Variants in PDZRN3 observed in about 807,000 individuals in gnomAD.
PDZRN3 encodes E3 ubiquitin-protein ligase PDZRN3.
A neutral mutation model predicts 85.7 loss-of-function variants in PDZRN3; 38 were observed. The ratio of observed to expected loss-of-function variants is 0.44; its 90% CI spans 0.34 to 0.58. The LOEUF (loss-of-function observed/expected upper bound fraction) is 0.58. Among genes scored for constraint, PDZRN3 ranks in the 20% least tolerant of loss-of-function variants. PDZRN3 has a pLI of 0.01. For synonymous variants in PDZRN3, 759 were observed against 638.0 expected (o/e 1.19, Z -2.86); for missense variants, 1,629 against 1,506.4 (o/e 1.08, Z -1.35).
chr3:73,553,882 A>G (rs899834565), intron 3 of PDZRN3, among the ~76,000 whole-genome samples: 3 of 152,222 alleles, frequency 2.0e-5, no homozygotes, highest in Non-Finnish European at 2.9e-5. Context: ...CGCATGGCAC[A>G]CACATGACCA....
chr3:73,621,253 A>G (rs1441396772), intron 1 of PDZRN3, among the ~76,000 whole-genome samples: 3 of 152,244 alleles, frequency 2.0e-5, no homozygotes, highest in African/African-American at 7.2e-5. Context: ...CTAAGCGTTC[A>G]GCAGGTGTCA....
chr3:73,483,658 T>C (rs965367588), intron 3 of PDZRN3, among the ~76,000 whole-genome samples: 2 of 152,176 alleles, frequency 1.3e-5, no homozygotes, highest in Non-Finnish European at 2.9e-5. Context: ...AATCTAGAAA[T>C]GACAACTACA....
At chr3:73,443,502 G>C (rs1448355082) in intron 3 of PDZRN3, among the ~76,000 whole-genome samples, 1 of 107,596 alleles carries the variant, frequency 9.3e-6, no homozygotes, top group African/African-American at 8.2e-5. Flanking sequence ...TTTTTTTGGG[G>C]GGGGGACAGC....
chr3:73,602,583 G>T, intron 2 of PDZRN3, 122 bp from the exon 3 acceptor site: 4 of 615,682 alleles, frequency 6.5e-6, no homozygotes, highest in Non-Finnish European at 1.2e-5. Context: ...TAGGGTAAAA[G>T]GTATTTGTTT....
chr3:73,466,419 C>T (rs1253548907), intron 3 of PDZRN3, among the ~76,000 whole-genome samples: 2 of 151,974 alleles, frequency 1.3e-5, no homozygotes, highest in African/African-American at 4.8e-5. Context: ...AAGCAAGACA[C>T]TCACGGTGGC....
chr3:73,514,944 T>C (rs1301906598), intron 3 of PDZRN3, among the ~76,000 whole-genome samples: 2 of 152,198 alleles, frequency 1.3e-5, no homozygotes, highest in African/African-American at 4.8e-5. Flanking sequence ...TCAGCTAGAT[T>C]ACAAAGTGAG....
intron 8 of PDZRN3, among the ~76,000 whole-genome samples, chr3:73,387,405 C>T (rs1701418724): frequency 6.6e-6 from 1 of 152,180 alleles, no homozygotes; most frequent in Non-Finnish European, 1.5e-5. Context: ...CTGAACCCCT[C>T]CCTGCTTTAT....
intron 3 of PDZRN3, among the ~76,000 whole-genome samples, chr3:73,599,304 C>T (rs975132250): frequency 3.9e-5 from 6 of 152,154 alleles, no homozygotes; most frequent in African/African-American, 1.4e-4. Flanking sequence ...ACAACATGTA[C>T]GAACCTTGAG....
At chr3:73,474,012 C>T (rs1216222218) in intron 3 of PDZRN3, among the ~76,000 whole-genome samples, 1 of 152,236 alleles carries the variant, frequency 6.6e-6, no homozygotes, top group East Asian at 1.9e-4. Context: ...TGTCACACAT[C>T]TACTAAGCGG....
At chr3:73,478,408 T>G (rs1477325173) in intron 3 of PDZRN3, among the ~76,000 whole-genome samples, 2 of 152,144 alleles carry the variant, frequency 1.3e-5, no homozygotes, top group African/African-American at 2.4e-5. Context: ...GCACTCCTTA[T>G]AGAAATCTAA....
Position 73,462,387 on chromosome 3 carries a change from C to CA in PDZRN3, c.919-57993dup, listed in dbSNP as rs560731268. ...TGAAACCCTGTCTGTACTAAAAATA[C>CA]AAAAAAAATTAGCCAGGCGTGGTGG... On this transcript the variant is annotated intron_variant, in intron 3 of 9. Coordinates refer to ENST00000263666, the MANE Select transcript of PDZRN3 (RefSeq NM_015009.3). Among the ~76,000 whole-genome samples the CA allele has an allele frequency of 2.5e-3, 378 of 151,436 alleles. 2 individuals carry two copies. The highest frequency in any genetic ancestry group is 8.2e-3 in the African/African-American group (338 of 41,360).
chr3:73,560,375 C>T (rs932614388), intron 3 of PDZRN3, among the ~76,000 whole-genome samples: 2 of 152,070 alleles, frequency 1.3e-5, no homozygotes, highest in East Asian at 1.9e-4. Flanking sequence ...AATTCAACCT[C>T]GAGGCTGAGT....
chr3:73,417,398 T>C (rs1379642550), intron 3 of PDZRN3, among the ~76,000 whole-genome samples: 1 of 152,226 alleles, frequency 6.6e-6, no homozygotes. Flanking sequence ...TTTATTCTAC[T>C]GAGTTATGAC....
intron 3 of PDZRN3, among the ~76,000 whole-genome samples, chr3:73,520,535 A>G (rs1307574307): frequency 2.0e-5 from 3 of 152,204 alleles, no homozygotes; most frequent in Admixed American, 6.5e-5. Context: ...AGAGTGAACT[A>G]AAGTAAAAGA....
intron 1 of PDZRN3, among the ~76,000 whole-genome samples, chr3:73,620,505 C>T (rs1702840651): frequency 6.6e-6 from 1 of 152,096 alleles, no homozygotes; most frequent in African/African-American, 2.4e-5. Context: ...TCAGATGTGG[C>T]CTCAGTGAGA....
At chr3:73,481,481 C>T (rs900355626) in intron 3 of PDZRN3, among the ~76,000 whole-genome samples, 3 of 151,944 alleles carry the variant, frequency 2.0e-5, no homozygotes, top group Non-Finnish European at 2.9e-5. Flanking sequence ...CAGGCATGCG[C>T]CTTCATGGCT....
intron 3 of PDZRN3, chr3:73,474,606 T>G: frequency 1.6e-6 from 2 of 1,266,134 alleles, no homozygotes; most frequent in South Asian, 2.6e-5. Context: ...TAAGCTTGGT[T>G]TATGTTGAGA....
chr3:73,463,805 G>A (rs923903389), intron 3 of PDZRN3, among the ~76,000 whole-genome samples: 8 of 152,264 alleles, frequency 5.3e-5, no homozygotes, highest in African/African-American at 1.7e-4. Context: ...TAAAGAAAAT[G>A]TGGTACATAT....
chr3:73,432,166 T>C (rs1023307312), intron 3 of PDZRN3, among the ~76,000 whole-genome samples: 1 of 152,224 alleles, frequency 6.6e-6, no homozygotes, highest in African/African-American at 2.4e-5. Context: ...TCCACTTGTT[T>C]CCTGCCTGCG....
Sources: gnomAD v4.1 joint callset for allele counts (sites outside exome capture counted in the v4.1 genomes callset) on GRCh38, gnomAD v4.1.1 for gene constraint, MANE v1.5 for transcripts, NCBI Gene and HGNC (gene_info 2026-07-23, HGNC 2026-07-21) for gene names.